The following ASAP1 variants were observed in gnomAD, a reference collection of about 807,000 sequenced individuals.
ASAP1 encodes the protein ArfGAP with SH3 domain, ankyrin repeat and PH domain 1, also known as arf-GAP with SH3 domain, ANK repeat and PH domain-containing protein 1.
In ASAP1, 43 loss-of-function variants were observed where a neutral mutation model predicts 145.2. The ratio of observed to expected loss-of-function variants is 0.30; its 90% CI spans 0.23 to 0.38. ASAP1 has a LOEUF of 0.38. Among genes scored for constraint, ASAP1 ranks in the 10% least tolerant of loss-of-function variants. The pLI is 1.00. For missense variants in ASAP1, 1,018 were observed against 1,355.3 expected (o/e 0.75, Z 3.91); for synonymous variants, 546 against 515.5 (o/e 1.06, Z -0.80).
intron 27 of ASAP1, among the ~76,000 whole-genome samples, chr8:130,066,996 C>T (rs1333916901): frequency 6.6e-6 from 1 of 152,220 alleles, no homozygotes. Context: ...GCCTCCTTAT[C>T]TTTCCAAGCT....
intron 28 of ASAP1, among the ~76,000 whole-genome samples, chr8:130,059,722 CTATTA>C (rs890086344): frequency 6.6e-6 from 1 of 152,104 alleles, no homozygotes; most frequent in Non-Finnish European, 1.5e-5. Context: ...CTATGCTATT[CTATTA>C]TATCGAGAGC....
chr8:130,103,012 T>G (rs918666610), intron 24 of ASAP1, among the ~76,000 whole-genome samples: 10 of 152,126 alleles, frequency 6.6e-5, no homozygotes, highest in Admixed American at 6.5e-4. Flanking sequence ...TTTTTAAAGA[T>G]TTGGCAGAAT....
intron 7 of ASAP1, among the ~76,000 whole-genome samples, chr8:130,181,276 A>G (rs1357538005): frequency 1.3e-5 from 2 of 152,234 alleles, no homozygotes; most frequent in Non-Finnish European, 2.9e-5. Flanking sequence ...TCATATGGGA[A>G]ACCTCTTACA....
chr8:130,221,481 T>G (rs1419574943), intron 4 of ASAP1, among the ~76,000 whole-genome samples: 2 of 152,148 alleles, frequency 1.3e-5, no homozygotes, highest in Non-Finnish European at 2.9e-5. Context: ...TATCATCTAT[T>G]TGTTTCCCCC....
chr8:130,427,691 T>C (rs962260020), intron 1 of ASAP1: 2 of 152,186 alleles, frequency 1.3e-5, no homozygotes, highest in African/African-American at 2.4e-5. Flanking sequence ...GTTTACACTC[T>C]CTCTGTCATA....
chr8:130,154,836 C>T (rs2097654780), intron 12 of ASAP1, among the ~76,000 whole-genome samples: 1 of 152,216 alleles, frequency 6.6e-6, no homozygotes, highest in Non-Finnish European at 1.5e-5. Flanking sequence ...AATTTAACTA[C>T]TAATTGATAA....
At chr8:130,196,064 G>A (rs916658603) in intron 5 of ASAP1, among the ~76,000 whole-genome samples, 4 of 152,140 alleles carry the variant, frequency 2.6e-5, no homozygotes, top group Non-Finnish European at 5.9e-5. Context: ...GTTGTAGGTC[G>A]GGCACAGTGG....
chr8:130,246,440 G>A (rs898852261), intron 3 of ASAP1, among the ~76,000 whole-genome samples: 2 of 152,142 alleles, frequency 1.3e-5, no homozygotes, highest in African/African-American at 4.8e-5. Flanking sequence ...CCTGGTGGGA[G>A]GTGACTGGAT....
At chr8:130,218,701 G>A (rs777509189) in intron 4 of ASAP1, among the ~76,000 whole-genome samples, 5 of 152,114 alleles carry the variant, frequency 3.3e-5, no homozygotes, top group Non-Finnish European at 5.9e-5. Flanking sequence ...ACCCCCACTA[G>A]TTCTGCAAGG....
At chr8:130,384,361 A>T (rs1368808252) in intron 2 of ASAP1, among the ~76,000 whole-genome samples, 2 of 152,208 alleles carry the variant, frequency 1.3e-5, no homozygotes, top group Non-Finnish European at 2.9e-5. Flanking sequence ...GTCTGCATAC[A>T]AGCATCCATT....
intron 5 of ASAP1, among the ~76,000 whole-genome samples, chr8:130,201,751 G>A (rs1815885979): frequency 1.3e-5 from 2 of 152,178 alleles, no homozygotes; most frequent in Admixed American, 1.3e-4. Flanking sequence ...TAATCAGTTA[G>A]TTCATGATCA....
rs541322091 is a variant in ASAP1, at chr8:130,287,285, G to C, written c.187-50291C>G. The stretch of plus-strand genomic sequence containing the variant: ...GGATGACAGGACAGCTTGATGGATG[G>C]ATGTTGGGGGATAATAAAAGATAAG... On this transcript the variant is annotated intron_variant, in intron 3 of 29. Transcript: ENST00000518721. Among the ~76,000 whole-genome samples the C allele has an allele frequency of 3.9e-5, 6 of 152,312 alleles. 1 individual carries two copies. The highest frequency in any genetic ancestry group is 1.4e-4 in the African/African-American group (6 of 41,556).
chr8:130,171,586 T>C (rs1244661162), intron 9 of ASAP1, among the ~76,000 whole-genome samples: 1 of 152,222 alleles, frequency 6.6e-6, no homozygotes, highest in Non-Finnish European at 1.5e-5. Context: ...GTGGGGATTA[T>C]GGAAATTACA....
intron 3 of ASAP1, among the ~76,000 whole-genome samples, chr8:130,351,418 GT>G (rs560464276): frequency 3.9e-5 from 6 of 151,908 alleles, no homozygotes; most frequent in Admixed American, 2.6e-4. Context: ...TGTAAAAAAT[GT>G]TTTTTTTAAA....
chr8:130,123,949 T>C (rs1201059946), intron 18 of ASAP1, 64 bp downstream of exon 18: 33 of 1,317,956 alleles, frequency 2.5e-5, no homozygotes, highest in South Asian at 5.0e-5. Flanking sequence ...AAGAAGTTTT[T>C]TGGAAGGGTA....
intron 2 of ASAP1, among the ~76,000 whole-genome samples, chr8:130,384,290 G>T (rs1827911479): frequency 6.6e-6 from 1 of 152,120 alleles, no homozygotes. Context: ...TGCTAGAAGG[G>T]GTTATTACAC....
At chr8:130,340,883 G>C (rs1825333573) in intron 3 of ASAP1, 1 of 456,018 alleles carries the variant, frequency 2.2e-6, no homozygotes, top group African/African-American at 2.0e-5. Context: ...TCTTGAGGCT[G>C]ACCAATCATT....
At chr8:130,338,585 C>G (rs939841705) in intron 3 of ASAP1, among the ~76,000 whole-genome samples, 2 of 152,210 alleles carry the variant, frequency 1.3e-5, no homozygotes, top group Non-Finnish European at 2.9e-5. Context: ...GCTAGTCATG[C>G]ATCTGTGTGG....
rs115097327 is a variant in ASAP1, at chr8:130,262,502, C to T, written c.187-25508G>A. 3.8e-3 allele frequency among the ~76,000 whole-genome samples: 552 copies of T among 145,438 alleles called. 7 individuals are homozygous for T. Among genetic ancestry groups the T allele is most frequent in the African/African-American group, 0.013 (524 of 39,738 alleles). On this transcript the variant is annotated intron_variant, in intron 3 of 29. Coordinates refer to ENST00000518721, the MANE Select transcript of ASAP1 (RefSeq NM_018482.4). ...GGTTAGACAGAAGGTTTATTCACTA[C>T]TCTCTCCTCAAGTGAATGCTTGAGG... is the stretch of plus-strand genomic sequence containing the variant.
Sources: gnomAD v4.1 joint callset for allele counts (sites outside exome capture counted in the v4.1 genomes callset) on GRCh38, gnomAD v4.1.1 for gene constraint, MANE v1.5 for transcripts, NCBI Gene and HGNC (gene_info 2026-07-23, HGNC 2026-07-21) for gene names.